The following CYFIP2 variants were observed in gnomAD, a reference collection of about 807,000 sequenced individuals.
CYFIP2 encodes cytoplasmic FMR1 interacting protein 2.
A neutral mutation model predicts 158.7 loss-of-function variants in CYFIP2; 29 were observed. The observed-to-expected ratio is 0.18, with a 90% CI of 0.14 to 0.25. The LOEUF (loss-of-function observed/expected upper bound fraction) is 0.25. Among genes scored for constraint, CYFIP2 ranks in the 10% least tolerant of loss-of-function variants. The pLI is 1.00. For missense variants in CYFIP2, 852 were observed against 1,639.5 expected (o/e 0.52, Z 8.29); for synonymous variants, 585 against 617.6 (o/e 0.95, Z 0.78).
At chr5:157,307,514 G>A (rs1186821977) in intron 8 of CYFIP2, among the ~76,000 whole-genome samples, 1 of 152,204 alleles carries the variant, frequency 6.6e-6, no homozygotes, top group Non-Finnish European at 1.5e-5. Flanking sequence ...CTGGCCCATA[G>A]TAAGGGCTGA....
chr5:157,297,566 G>A (rs972421114), intron 5 of CYFIP2, among the ~76,000 whole-genome samples: 40 of 152,286 alleles, frequency 2.6e-4, no homozygotes, highest in South Asian at 6.2e-4. Flanking sequence ...GCCTTCGGGA[G>A]CCCAAAATCT....
intron 23 of CYFIP2, among the ~76,000 whole-genome samples, chr5:157,352,126 A>G (rs1256269751): frequency 6.6e-6 from 1 of 152,226 alleles, no homozygotes; most frequent in African/African-American, 2.4e-5. Flanking sequence ...CTGCCTTCCA[A>G]GTGACATAGA....
At chr5:157,308,154 T>C (rs1197456213) in intron 9 of CYFIP2, among the ~76,000 whole-genome samples, 3 of 146,246 alleles carry the variant, frequency 2.1e-5, no homozygotes, top group Non-Finnish European at 4.5e-5. Context: ...GATTCTTTTC[T>C]GAATGCTGCT....
intron 23 of CYFIP2, chr5:157,342,701 T>C (rs1762359701): frequency 2.9e-6 from 2 of 685,990 alleles, no homozygotes; most frequent in Non-Finnish European, 2.3e-6. Context: ...ATTTTCCAGC[T>C]TGAGAAGCTT....
chr5:157,366,950 C>T (rs1764429681), intron 26 of CYFIP2, among the ~76,000 whole-genome samples: 1 of 152,226 alleles, frequency 6.6e-6, no homozygotes, highest in Non-Finnish European at 1.5e-5. Context: ...GGAAGGCAGG[C>T]CTGAGTCCCC....
chr5:157,373,823 G>C (rs1337621614), intron 26 of CYFIP2, among the ~76,000 whole-genome samples: 3 of 152,174 alleles, frequency 2.0e-5, no homozygotes, highest in Non-Finnish European at 4.4e-5. Context: ...ACTCCTGGGT[G>C]GTGGAGTTAT....
chr5:157,388,303 T>C (rs1026303928), intron 28 of CYFIP2, among the ~76,000 whole-genome samples: 1 of 152,216 alleles, frequency 6.6e-6, no homozygotes, highest in African/African-American at 2.4e-5. Context: ...TTATTAGATA[T>C]GCAGTAGCCA....
At chr5:157,315,635 A>G (rs190813021) in intron 13 of CYFIP2, among the ~76,000 whole-genome samples, 2 of 152,354 alleles carry the variant, frequency 1.3e-5, no homozygotes, top group African/African-American at 4.8e-5. Flanking sequence ...TTCTGGGACT[A>G]TATCCCAAGG....
chr5:157,322,704 G>T (rs962528544), intron 15 of CYFIP2, among the ~76,000 whole-genome samples: 2 of 152,338 alleles, frequency 1.3e-5, no homozygotes, highest in Non-Finnish European at 1.5e-5. Flanking sequence ...TGCTCTACCC[G>T]CATCAGTGCC....
At chr5:157,336,975 T>G (rs943457885) in intron 21 of CYFIP2, among the ~76,000 whole-genome samples, 1 of 152,210 alleles carries the variant, frequency 6.6e-6, no homozygotes, top group Non-Finnish European at 1.5e-5. Context: ...GTTTCCCTTG[T>G]GAACACGGAT....
At chr5:157,348,511 C>T (rs1416131044) in intron 23 of CYFIP2, among the ~76,000 whole-genome samples, 1 of 152,074 alleles carries the variant, frequency 6.6e-6, no homozygotes, top group African/African-American at 2.4e-5. Context: ...TCCCGGGTTC[C>T]AGTGATTCTC....
At position 157,311,692 on chromosome 5, in the gene CYFIP2, C is replaced by G; in HGVS notation, c.1021C>G (p.Pro341Ala). The G allele has an allele frequency of 1.2e-6, 2 of 1,610,748 alleles. No homozygotes were observed. The highest frequency in any genetic ancestry group is 1.7e-6 in the Non-Finnish European group (2 of 1,178,522). ...GACGTGCACCCAGAGCAGCATCAGC[C>G]CCCAGTACAATATCTGCGAGCAGAT... ...KWTCTQSSIS[P>A]QYNICEQMVQ... Residue 341 changes from proline (P) to alanine (A), a missense_variant, in exon 11 of 31, where the codon CCC becomes GCC. Coordinates refer to ENST00000620254, the MANE Select transcript of CYFIP2 (RefSeq NM_001037333.3). This position sits in a 1 kb window ranked among gnomAD's most constrained non-coding sequence, Gnocchi z 4.7.
intron 3 of CYFIP2, among the ~76,000 whole-genome samples, chr5:157,287,750 G>A (rs950093182): frequency 1.3e-5 from 2 of 152,162 alleles, no homozygotes; most frequent in East Asian, 3.9e-4. Context: ...GTCTTAGCTC[G>A]TTTTGTGATG....
At chr5:157,322,862 C>G (rs1760716100) in intron 15 of CYFIP2, 7 of 1,354,420 alleles carry the variant, frequency 5.2e-6, no homozygotes, top group African/African-American at 1.4e-5. Context: ...TTCTCTCTCT[C>G]TCTCTCTTTC....
intron 21 of CYFIP2, 122 bp downstream of exon 21, chr5:157,333,568 T>G: frequency 7.3e-7 from 1 of 1,366,550 alleles, no homozygotes; most frequent in Non-Finnish European, 1.0e-6. Flanking sequence ...CTCTTTCCCA[T>G]CTGAATGGAG....
At chr5:157,297,418 T>C (rs903453052) in intron 5 of CYFIP2, among the ~76,000 whole-genome samples, 7 of 152,224 alleles carry the variant, frequency 4.6e-5, no homozygotes, top group African/African-American at 1.4e-4. Context: ...CTCTGACACC[T>C]TGGGATTTTT....
chr5:157,382,562 TTC>T (rs1014551317), intron 26 of CYFIP2, 26 bp from the exon 27 acceptor site: 1 of 1,612,780 alleles, frequency 6.2e-7, no homozygotes, highest in Non-Finnish European at 8.5e-7. Flanking sequence ...GAAAATTGTT[TTC>T]TCTTTCTTTA....
In CYFIP2 at chr5:157,393,008, A is replaced by C; in HGVS notation, c.*8A>C. The C allele has an allele frequency of 6.2e-7, 1 of 1,613,594 alleles. No homozygotes were observed. The highest frequency in any genetic ancestry group is 1.1e-5 in the South Asian group (1 of 91,010). ...TTGGCCACCACTTGCTAAGCAGAAG[A>C]TCCTGCAGACCCTTATCTGGAGGAG... is the stretch of plus-strand genomic sequence containing the variant. On this transcript the variant is annotated 3_prime_UTR_variant, in exon 31 of 31. Transcript: ENST00000620254.
intron 10 of CYFIP2, 147 bp downstream of exon 10, chr5:157,309,981 C>G: frequency 1.3e-6 from 1 of 745,542 alleles, no homozygotes; most frequent in East Asian, 2.8e-5. Context: ...GGAGGGGAGC[C>G]GCGAGGGTGC....
Sources: gnomAD v4.1 joint callset for allele counts (sites outside exome capture counted in the v4.1 genomes callset) on GRCh38, gnomAD v4.1.1 for gene constraint, Gnocchi (gnomAD v3.1) non-coding constraint, MANE v1.5 for transcripts, NCBI Gene and HGNC (gene_info 2026-07-23, HGNC 2026-07-21) for gene names.